Variants in ADAMTS9 observed in about 807,000 individuals in gnomAD.
ADAMTS9 encodes ADAM metallopeptidase with thrombospondin type 1 motif 9.
In ADAMTS9, 107 loss-of-function variants were observed where a neutral mutation model predicts 257.1. The observed-to-expected ratio is 0.42, with a 90% CI of 0.36 to 0.49. ADAMTS9 has a LOEUF of 0.49. ADAMTS9 is among the 20% of genes least tolerant of loss of function. The pLI is 0.03. For missense variants in ADAMTS9, 2,353 were observed against 2,469.1 expected, an observed-to-expected ratio of 0.95 and a Z score of 1.00; for synonymous variants, 982 against 880.9, an observed-to-expected ratio of 1.11 and a Z score of -2.03.
Position 64,633,769 on chromosome 3 carries a change from T to A in ADAMTS9, c.1967A>T (p.His656Leu). 1 of 1,613,606 alleles carries A rather than the reference T, an allele frequency of 6.2e-7. No individual in the cohort carries two copies. Among genetic ancestry groups the A allele is most frequent in the Non-Finnish European group, 8.5e-7 (1 of 1,179,938 alleles). ...GATGTTAAAATGCTTCCCGTCAAAG[T>A]GAGCACACTGTTCATCTCGGAAGTC... Reference protein sequence around the residue: ...KRDFRDEQCAHFDGKHFNING... With the variant: ...KRDFRDEQCALFDGKHFNING... Residue 656 changes from histidine (H) to leucine (L), a missense_variant, in exon 13 of 40, where the codon CAC becomes CTC. Physicochemically the swap from His to Leu is moderately conservative, Grantham distance 99. Around this residue, in one of 3 missense-constraint regions of ADAMTS9, gnomAD observed 360 missense variants for 458.1 expected, o/e 0.79. Transcript: ENST00000498707.
intron 3 of ADAMTS9, among the ~76,000 whole-genome samples, chr3:64,671,582 C>A (rs1212540587): frequency 1.3e-5 from 2 of 152,182 alleles, no homozygotes; most frequent in African/African-American, 4.8e-5. Flanking sequence ...TTTTTCCACA[C>A]AGCAACTGCA....
At position 64,654,330 on chromosome 3, in the gene ADAMTS9, G is replaced by C. The variant is rs1215944659; in HGVS notation, c.1316+23C>G. ...AGGTTTAGGTCACTCCAAATTAAATGAAATTACTGAAAGGTAACTCACACA... is the reference window on the plus strand; with the variant it reads ...AGGTTTAGGTCACTCCAAATTAAATCAAATTACTGAAAGGTAACTCACACA... On this transcript the variant is annotated intron_variant, in intron 8 of 39. Transcript: ENST00000498707. The C allele has an allele frequency of 2.5e-6, 4 of 1,599,298 alleles. No homozygotes were observed. In the African/African-American group the frequency reaches 5.4e-5, roughly 22 times the overall value.
At chr3:64,601,898 C>T (rs1158255637) in intron 26 of ADAMTS9, 46 bp downstream of exon 26, 1 of 1,544,126 alleles carries the variant, frequency 6.5e-7, no homozygotes, top group East Asian at 2.3e-5. Flanking sequence ...ACCCTAAACC[C>T]AACCTCAAGT....
At chr3:64,646,208 C>A (rs776099142) in intron 11 of ADAMTS9, among the ~76,000 whole-genome samples, 1 of 152,088 alleles carries the variant, frequency 6.6e-6, no homozygotes, top group African/African-American at 2.4e-5. Context: ...ATATAATGGG[C>A]TGGTTCTAAC....
At chr3:64,576,691 C>T (rs375746595) in intron 28 of ADAMTS9, among the ~76,000 whole-genome samples, 9 of 152,280 alleles carry the variant, frequency 5.9e-5, no homozygotes, top group South Asian at 4.1e-4. Context: ...GTGGGAGTCA[C>T]GGTCATCCCA....
At chr3:64,619,234 C>T (rs1256848268) in intron 19 of ADAMTS9, among the ~76,000 whole-genome samples, 5 of 152,044 alleles carry the variant, frequency 3.3e-5, no homozygotes, top group Non-Finnish European at 5.9e-5. Context: ...CAACCAGTCT[C>T]GTTCTGATTC....
chr3:64,678,527 G>C (rs1215828062), intron 3 of ADAMTS9, among the ~76,000 whole-genome samples: 3 of 152,182 alleles, frequency 2.0e-5, no homozygotes, highest in African/African-American at 7.2e-5. Context: ...TTGTTTTAAA[G>C]AATCTGCATT....
At chr3:64,618,470 G>A (rs1424371218) in intron 19 of ADAMTS9, among the ~76,000 whole-genome samples, 1 of 152,138 alleles carries the variant, frequency 6.6e-6, no homozygotes, top group Admixed American at 6.5e-5. Context: ...ATTACAGCTA[G>A]GTATTGTGAC....
At chr3:64,576,320 C>T (rs534192978) in intron 28 of ADAMTS9, among the ~76,000 whole-genome samples, 1 of 152,284 alleles carries the variant, frequency 6.6e-6, no homozygotes, top group Non-Finnish European at 1.5e-5. Context: ...CAATGATAAC[C>T]ATTACAGAAT....
chr3:64,596,340 A>C (rs902440456), intron 27 of ADAMTS9, among the ~76,000 whole-genome samples: 3 of 152,178 alleles, frequency 2.0e-5, no homozygotes, highest in Admixed American at 1.3e-4. Context: ...TATTTGAGAA[A>C]ACACAGCTAA....
At chr3:64,601,825 AT>A (rs2084467063) in intron 26 of ADAMTS9, 118 bp downstream of exon 26, 1 of 1,241,268 alleles carries the variant, frequency 8.1e-7, no homozygotes, top group Non-Finnish European at 1.1e-6. Flanking sequence ...GCAAATGAAA[AT>A]GCACAATGTC....
At chr3:64,525,086 C>A (rs1048651650) in intron 38 of ADAMTS9, among the ~76,000 whole-genome samples, 1 of 152,210 alleles carries the variant, frequency 6.6e-6, no homozygotes, top group Non-Finnish European at 1.5e-5. Flanking sequence ...TGTCTTCCTA[C>A]TGGAATGTCA....
chr3:64,573,081 A>C (rs1576047130), intron 28 of ADAMTS9, among the ~76,000 whole-genome samples: 2 of 51,994 alleles, frequency 3.8e-5, no homozygotes, highest in Non-Finnish European at 4.1e-5. Flanking sequence ...CTCCATCTTA[A>C]AAAAAAAAAA....
At position 64,615,403 on chromosome 3, in the gene ADAMTS9, T is replaced by A; in HGVS notation, c.3107A>T (p.Lys1036Ile). ...GGTAACTTTCTCTTGATGTGTGCAT[T>A]TGCTGTCATCCAGTACATCATTTCG... ...NTRNDVLDDS[K>I]CTHQEKVTIQ... is the part of the protein sequence containing the mutation. Residue 1036 changes from lysine to isoleucine, a missense_variant, in exon 21 of 40, where the codon AAA becomes ATA. Physicochemically the swap from Lys to Ile is moderately radical, Grantham distance 102. Around this residue, in one of 3 missense-constraint regions of ADAMTS9, gnomAD observed 1,402 missense variants for 1,441.4 expected, o/e 0.97. Transcript: ENST00000498707. 6.2e-7 allele frequency: 1 copy of A among 1,614,078 alleles called. No homozygotes were observed. The highest frequency in any genetic ancestry group is 8.5e-7 in the Non-Finnish European group (1 of 1,179,950).
At chr3:64,656,000 G>T in intron 4 of ADAMTS9, 125 bp from the exon 5 acceptor site, 3 of 583,974 alleles carry the variant, frequency 5.1e-6, no homozygotes, top group East Asian at 2.9e-5. Flanking sequence ...TTGTGGTTGT[G>T]AATTTTTCAT....
intron 32 of ADAMTS9, among the ~76,000 whole-genome samples, chr3:64,545,898 C>G (rs1440868934): frequency 6.6e-6 from 1 of 152,140 alleles, no homozygotes; most frequent in Non-Finnish European, 1.5e-5. Context: ...GCCTGGCTGC[C>G]TGACAACTTT....
At chr3:64,602,865 A>G (rs180973053) in intron 25 of ADAMTS9, among the ~76,000 whole-genome samples, 6 of 152,268 alleles carry the variant, frequency 3.9e-5, no homozygotes, top group Admixed American at 1.3e-4. Flanking sequence ...TGGATCATCC[A>G]TTGGAATAAT....
At chr3:64,579,283 C>T (rs190280137) in intron 28 of ADAMTS9, among the ~76,000 whole-genome samples, 2 of 152,168 alleles carry the variant, frequency 1.3e-5, no homozygotes. Flanking sequence ...CTCCCAGATA[C>T]TTACATGGCT....
Position 64,651,137 on chromosome 3 carries a change from T to C in ADAMTS9, c.1343A>G (p.Asn448Ser), listed in dbSNP as rs1162386499. 7 of 1,589,250 alleles carry C rather than the reference T, an allele frequency of 4.4e-6. No homozygotes were observed. The highest frequency in any genetic ancestry group is 6.0e-6 in the Non-Finnish European group (7 of 1,171,504). The change falls in exon 9 of 40, where the codon AAC becomes AGC. Residue 448 changes from asparagine to serine, a missense_variant. Asn to Ser is a conservative substitution (Grantham distance 46, BLOSUM62 1). This residue lies in a region of ADAMTS9 where 591 missense variants were observed against 569.6 expected (regional missense o/e 1.04). Transcript: ENST00000498707. Reference sequence around the variant, plus strand: ...CTTAACTCCTTCTTCTTTACATTTGTTGTTGTCATCATGAGGCATGTTAAA... The same window carrying C: ...CTTAACTCCTTCTTCTTTACATTTGCTGTTGTCATCATGAGGCATGTTAAA... ...HVFNMPHDDN[N>S]KCKEEGVKSP...
Sources: gnomAD v4.1 joint callset for allele counts (sites outside exome capture counted in the v4.1 genomes callset) on GRCh38, gnomAD v4.1.1 for gene constraint, gnomAD v4.1.1 regional missense constraint, MANE v1.5 for transcripts, NCBI Gene and HGNC (gene_info 2026-07-23, HGNC 2026-07-21) for gene names.